The following ERBB4 variants were observed in gnomAD, a reference collection of about 807,000 sequenced individuals.
ERBB4 encodes the protein receptor tyrosine-protein kinase erbB-4.
A neutral mutation model predicts 158.0 loss-of-function variants in ERBB4; 42 were observed. That is an observed-to-expected ratio of 0.27 (90% CI 0.21 to 0.34). The LOEUF (loss-of-function observed/expected upper bound fraction) is 0.34. Among genes scored for constraint, ERBB4 ranks in the 10% least tolerant of loss-of-function variants. ERBB4 has a pLI of 1.00. For synonymous variants in ERBB4, 583 were observed against 558.7 expected (o/e 1.04, Z -0.61); for missense variants, 1,333 against 1,624.1 (o/e 0.82, Z 3.08).
rs962162224 is a variant in ERBB4 at position 211,827,047 on chromosome 2, T to G, written c.422-38888A>C. Among the ~76,000 whole-genome samples, 13 of 152,152 alleles carry G rather than the reference T, an allele frequency of 8.5e-5. No homozygotes were observed. The East Asian group carries it at 2.5e-3, about 29-fold the overall frequency. On this transcript the variant is annotated intron_variant, in intron 3 of 27. Coordinates refer to ENST00000342788, the MANE Select transcript of ERBB4 (RefSeq NM_005235.3). ...AATCCTGGGGGCTATGAAATACATC[T>G]GTGTATATATAATCCAAAATTTATT...
At chr2:211,409,610 A>G (rs912580431) in intron 25 of ERBB4, among the ~76,000 whole-genome samples, 1 of 152,152 alleles carries the variant, frequency 6.6e-6, no homozygotes, top group African/African-American at 2.4e-5. Context: ...GCATAAATCG[A>G]GCAGGGGCTC....
chr2:212,304,680 C>A (rs1355438260), intron 1 of ERBB4, among the ~76,000 whole-genome samples: 1 of 151,454 alleles, frequency 6.6e-6, no homozygotes, highest in Non-Finnish European at 1.5e-5. Flanking sequence ...AAGGTTGACA[C>A]AAAATTCACA....
rs139864243 is a variant in ERBB4, at chr2:211,802,805, A to C, written c.422-14646T>G. ...CAGGTGTAATTAATTAGCTAAGTGG[A>C]GAAGACGCTCCCTTTTAGAGTGAAT... On this transcript the variant is annotated intron_variant, in intron 3 of 27. Transcript: ENST00000342788. 2.3e-3 allele frequency among the ~76,000 whole-genome samples: 351 copies of C among 152,318 alleles called. 3 individuals carry two copies. Among genetic ancestry groups the C allele is most frequent in the African/African-American group, 8.2e-3 (339 of 41,574 alleles).
intron 2 of ERBB4, among the ~76,000 whole-genome samples, chr2:212,052,430 T>C (rs1185019832): frequency 1.3e-5 from 2 of 152,214 alleles, no homozygotes; most frequent in Non-Finnish European, 2.9e-5. Flanking sequence ...TGTGAGTCAA[T>C]ACTCCTTAAT....
At chr2:211,604,853 A>T (rs1020057705) in intron 19 of ERBB4, among the ~76,000 whole-genome samples, 1 of 152,184 alleles carries the variant, frequency 6.6e-6, no homozygotes, top group African/African-American at 2.4e-5. Context: ...CCACAAAATA[A>T]CTATTTGGCA....
At chr2:212,402,406 G>A (rs969157534) in intron 1 of ERBB4, among the ~76,000 whole-genome samples, 1 of 152,030 alleles carries the variant, frequency 6.6e-6, no homozygotes, top group Non-Finnish European at 1.5e-5. Context: ...TGAATAAATC[G>A]ATCCTTTCAG....
At chr2:212,432,163 C>T (rs1014882299) in intron 1 of ERBB4, among the ~76,000 whole-genome samples, 1 of 152,024 alleles carries the variant, frequency 6.6e-6, no homozygotes, top group African/African-American at 2.4e-5. Flanking sequence ...TGAGGGATGG[C>T]CTTTCCTGAA....
intron 25 of ERBB4, among the ~76,000 whole-genome samples, chr2:211,415,687 GGT>G: frequency 6.6e-6 from 1 of 152,150 alleles, no homozygotes; most frequent in South Asian, 2.1e-4. Flanking sequence ...AAAGTGATAT[GGT>G]GTAAAATAAA....
chr2:212,412,558 CT>C (rs980153049), intron 1 of ERBB4, among the ~76,000 whole-genome samples: 1 of 152,180 alleles, frequency 6.6e-6, no homozygotes, highest in Non-Finnish European at 1.5e-5. Flanking sequence ...CTTATACAGC[CT>C]GCAGAACTGT....
chr2:211,552,363 C>G (rs79077427), intron 20 of ERBB4, among the ~76,000 whole-genome samples: 14,569 of 152,020 alleles, frequency 0.096, 897 homozygotes, highest in Non-Finnish European at 0.14. Context: ...TAGGTAGAAT[C>G]TAAATTATTT....
At position 212,508,673 on chromosome 2, in the gene ERBB4, A is replaced by G. The variant is rs571738893; in HGVS notation, c.82+29776T>C. Among the ~76,000 whole-genome samples the G allele has an allele frequency of 3.3e-5, 5 of 152,262 alleles. No homozygotes were observed. In the South Asian group the frequency reaches 8.3e-4, roughly 25 times the overall value. Reference sequence around the variant, plus strand: ...ACAGAATCCAGGGGCATCTAAATATATATCTTCAGAATATAAATAGCAGTA... The same window carrying G: ...ACAGAATCCAGGGGCATCTAAATATGTATCTTCAGAATATAAATAGCAGTA... On this transcript the variant is annotated intron_variant, in intron 1 of 27. Transcript: ENST00000342788.
chr2:211,826,280 G>A (rs888895074), intron 3 of ERBB4, among the ~76,000 whole-genome samples: 1 of 151,662 alleles, frequency 6.6e-6, no homozygotes, highest in Admixed American at 6.6e-5. Flanking sequence ...TTGAATGCCT[G>A]CTATATTTCA....
intron 2 of ERBB4, among the ~76,000 whole-genome samples, chr2:212,055,841 A>G (rs1376368062): frequency 6.6e-6 from 1 of 152,274 alleles, no homozygotes; most frequent in African/African-American, 2.4e-5. Flanking sequence ...AACAGAGGAC[A>G]AAAGCCGAAA....
chr2:212,096,623 A>T (rs2078941443), intron 2 of ERBB4, among the ~76,000 whole-genome samples: 1 of 152,220 alleles, frequency 6.6e-6, no homozygotes, highest in African/African-American at 2.4e-5. Context: ...ATTATCTAAA[A>T]TATACTGACT....
In ERBB4 at chr2:212,044,918, G is replaced by A. The variant is rs370316350; in HGVS notation, c.234+79834C>T. On this transcript the variant is annotated intron_variant, in intron 2 of 27. Coordinates refer to ENST00000342788, the MANE Select transcript of ERBB4 (RefSeq NM_005235.3). ...TTTTGATGGGATAGATACGATTTCA[G>A]TATCATCAGGGTCTGGCAGCAATAG... is the stretch of plus-strand genomic sequence containing the variant. Among the ~76,000 whole-genome samples, 15 of 151,816 alleles carry A rather than the reference G, an allele frequency of 9.9e-5. No individual in the cohort carries two copies. In the East Asian group the frequency reaches 2.9e-3, roughly 29 times the overall value.
chr2:211,733,967 G>A (rs79814523), intron 5 of ERBB4, among the ~76,000 whole-genome samples: 9,392 of 147,614 alleles, frequency 0.064, 479 homozygotes, highest in African/African-American at 0.095. Context: ...ATTTGAACCC[G>A]GGAGACTGAG....
intron 19 of ERBB4, among the ~76,000 whole-genome samples, chr2:211,569,659 G>C (rs988698314): frequency 2.0e-5 from 3 of 152,148 alleles, no homozygotes; most frequent in African/African-American, 7.2e-5. Context: ...TAAATACTTG[G>C]AAAGAGCATT....
rs1217411683 is a variant in ERBB4, at chr2:211,381,340, G to A, written c.*2275C>T. The A allele has an allele frequency of 1.7e-5, 4 of 232,192 alleles. No homozygotes were observed. Among genetic ancestry groups the A allele is most frequent in the Non-Finnish European group, 2.6e-5 (3 of 117,476 alleles). 14.4% of individuals were successfully genotyped at this position (232,192 alleles called of 1,614,324 possible). On this transcript the variant is annotated 3_prime_UTR_variant, in exon 28 of 28. Transcript: ENST00000342788. ...AGACTCTAGATAGGCTAATTAGTCA[G>A]TGATGCAATATTCTCCTAGACCAGT...
chr2:211,834,058 T>C (rs1387213367), intron 3 of ERBB4, among the ~76,000 whole-genome samples: 2 of 152,142 alleles, frequency 1.3e-5, no homozygotes, highest in South Asian at 2.1e-4. Context: ...ACTGACAATA[T>C]GTCATCCTTC....
Sources: allele counts gnomAD v4.1 joint callset (sites outside exome capture counted in the v4.1 genomes callset), GRCh38; gene constraint gnomAD v4.1.1; transcripts MANE v1.5; gene names NCBI Gene and HGNC (gene_info 2026-07-23, HGNC 2026-07-21).